Variants in TAFA2 observed in about 807,000 individuals in gnomAD.
The protein encoded by TAFA2 is TAFA chemokine like family member 2.
In TAFA2, 7 loss-of-function variants were observed where a neutral mutation model predicts 18.8. That is an observed-to-expected ratio of 0.37 (90% CI 0.21 to 0.70). The LOEUF is 0.70. Ranked by LOEUF, TAFA2 falls within the 30% of genes least tolerant of loss-of-function variation. The pLI is 0.53. For missense variants in TAFA2, 122 were observed against 158.1 expected (o/e 0.77, Z 1.23); for synonymous variants, 60 against 54.2 (o/e 1.11, Z -0.47).
intron 1 of TAFA2, among the ~76,000 whole-genome samples, chr12:61,959,920 T>G (rs11174256): frequency 0.087 from 13,169 of 151,970 alleles, 777 homozygotes; most frequent in East Asian, 0.22. Flanking sequence ...TGGAGCACAG[T>G]GGCTATTCAC....
At chr12:61,913,085 C>T (rs1294240287) in intron 1 of TAFA2, among the ~76,000 whole-genome samples, 1 of 152,148 alleles carries the variant, frequency 6.6e-6, no homozygotes, top group African/African-American at 2.4e-5. Flanking sequence ...AAACACTCTA[C>T]AATAATTGCC....
At chr12:61,741,719 A>G (rs1245451428) in intron 4 of TAFA2, among the ~76,000 whole-genome samples, 1 of 152,096 alleles carries the variant, frequency 6.6e-6, no homozygotes, top group Non-Finnish European at 1.5e-5. Context: ...ATTGACTGTG[A>G]ACTTGTGAAC....
chr12:62,170,045 A>G (rs2062466657), intron 1 of TAFA2, among the ~76,000 whole-genome samples: 2 of 152,090 alleles, frequency 1.3e-5, no homozygotes, highest in Admixed American at 1.3e-4. Flanking sequence ...TATATATTAT[A>G]TTGCTTTCCG....
intron 4 of TAFA2, among the ~76,000 whole-genome samples, chr12:61,720,131 G>T (rs572695796): frequency 5.9e-5 from 9 of 151,984 alleles, no homozygotes; most frequent in Admixed American, 2.0e-4. Context: ...TTTCCAAAGT[G>T]TGTCAAAATA....
At chr12:61,766,436 T>A (rs1055651305) in intron 2 of TAFA2, among the ~76,000 whole-genome samples, 1 of 152,096 alleles carries the variant, frequency 6.6e-6, no homozygotes, top group Admixed American at 6.6e-5. Flanking sequence ...GTTTCTTGAT[T>A]CCTTGCCCTC....
intron 1 of TAFA2, among the ~76,000 whole-genome samples, chr12:62,158,500 A>G (rs1449470225): frequency 6.6e-6 from 1 of 152,212 alleles, no homozygotes; most frequent in Non-Finnish European, 1.5e-5. Context: ...ATTTTTCCAG[A>G]TGCTGTCAAT....
chr12:61,719,520 A>G (rs1869803979), intron 4 of TAFA2, among the ~76,000 whole-genome samples: 1 of 152,102 alleles, frequency 6.6e-6, no homozygotes, highest in Non-Finnish European at 1.5e-5. Context: ...TCCCCAACCA[A>G]CAGTAGCAAG....
chr12:62,128,334 G>A (rs555360744), intron 1 of TAFA2, among the ~76,000 whole-genome samples: 1 of 152,088 alleles, frequency 6.6e-6, no homozygotes, highest in South Asian at 2.1e-4. Context: ...TCAATGCACT[G>A]GTTTTGTACT....
At chr12:62,012,452 C>T (rs901949988) in intron 1 of TAFA2, among the ~76,000 whole-genome samples, 3 of 151,060 alleles carry the variant, frequency 2.0e-5, no homozygotes, top group African/African-American at 7.3e-5. Flanking sequence ...TTTTAACCTC[C>T]GCAGATGCTT....
chr12:61,882,112 C>A (rs1055786072), intron 1 of TAFA2, among the ~76,000 whole-genome samples: 5 of 152,100 alleles, frequency 3.3e-5, no homozygotes, highest in South Asian at 2.1e-4. Context: ...ATGTACTAAT[C>A]CAACTTAAAA....
At chr12:61,955,665 A>ATATATATATATATATT (rs1200280189) in intron 1 of TAFA2, among the ~76,000 whole-genome samples, 4 of 120,454 alleles carry the variant, frequency 3.3e-5, no homozygotes, top group African/African-American at 1.4e-4. Context: ...ATATATATAT[A>ATATATATATATATATT]TATATTTAAT....
At chr12:61,995,896 T>C (rs372354581) in intron 1 of TAFA2, among the ~76,000 whole-genome samples, 3 of 152,126 alleles carry the variant, frequency 2.0e-5, no homozygotes, top group African/African-American at 7.2e-5. Context: ...TTGTATATTC[T>C]GTAAATATAC....
chr12:61,793,938 A>G (rs1871088154), intron 2 of TAFA2, among the ~76,000 whole-genome samples: 1 of 151,996 alleles, frequency 6.6e-6, no homozygotes, highest in Admixed American at 6.6e-5. Context: ...GTAATAACTG[A>G]AAAACATATC....
chr12:61,991,729 C>T (rs911962311), intron 1 of TAFA2, among the ~76,000 whole-genome samples: 2 of 152,144 alleles, frequency 1.3e-5, no homozygotes, highest in African/African-American at 4.8e-5. Context: ...ACTGTCTGAA[C>T]TTCCTGTTTT....
chr12:61,765,976 C>T (rs1869773251), intron 2 of TAFA2, among the ~76,000 whole-genome samples: 1 of 152,022 alleles, frequency 6.6e-6, no homozygotes, highest in South Asian at 2.1e-4. Flanking sequence ...AACTCCTCCA[C>T]CCCTCATTTC....
intron 1 of TAFA2, among the ~76,000 whole-genome samples, chr12:62,112,652 C>G (rs904747955): frequency 6.6e-6 from 1 of 152,100 alleles, no homozygotes; most frequent in Non-Finnish European, 1.5e-5. Flanking sequence ...TTCACACAGT[C>G]CCATATTTCT....
At chr12:62,095,786 A>T (rs1344071681) in intron 1 of TAFA2, among the ~76,000 whole-genome samples, 1 of 152,108 alleles carries the variant, frequency 6.6e-6, no homozygotes, top group Non-Finnish European at 1.5e-5. Context: ...TCAATCATAC[A>T]AAGGAAAACT....
chr12:61,947,595 C>T (rs1440882473), intron 1 of TAFA2, among the ~76,000 whole-genome samples: 1 of 150,138 alleles, frequency 6.7e-6, no homozygotes, highest in Non-Finnish European at 1.5e-5. Flanking sequence ...ACTCTTCATT[C>T]GGTCAGTTTG....
At chr12:61,903,333 T>C (rs1206782932) in intron 1 of TAFA2, among the ~76,000 whole-genome samples, 1 of 152,220 alleles carries the variant, frequency 6.6e-6, no homozygotes. Context: ...CTGAAGCCCA[T>C]TACACTGCTC....
Sources: allele counts gnomAD v4.1 joint callset (sites outside exome capture counted in the v4.1 genomes callset), GRCh38; gene constraint gnomAD v4.1.1; transcripts MANE v1.5; gene names NCBI Gene and HGNC (gene_info 2026-07-23, HGNC 2026-07-21).